AHRR: variants seen among roughly 807,000 people sequenced by gnomAD.
AHRR encodes the protein ahR repressor.
AHRR carries 28 observed loss-of-function variants against 44.0 expected under a neutral mutation model. That is an observed-to-expected ratio of 0.64 (90% confidence interval 0.47 to 0.87). AHRR has a LOEUF of 0.87. AHRR is among the 40% of genes least tolerant of loss of function. The pLI, the probability that AHRR is intolerant of heterozygous loss-of-function variation, is 0.00. For synonymous variants in AHRR, 434 were observed against 407.0 expected (o/e 1.07, Z -0.80); for missense variants, 990 against 953.9 (o/e 1.04, Z -0.50).
At chr5:343,084 C>T (rs1361873198) in intron 1 of AHRR, among the ~76,000 whole-genome samples, 1 of 152,188 alleles carries the variant, frequency 6.6e-6, no homozygotes, top group Non-Finnish European at 1.5e-5. Flanking sequence ...CCACAAACCG[C>T]ACAGGGAGAT....
rs564328802 is a variant in AHRR, at chr5:327,176, G to A, written c.-11+5357G>A. Reference sequence around the variant, plus strand: ...TACAGGGCTGAGCATGTTTTCATGCGTTGAACATTGTGTATCTTCTTTGGA... The same window carrying A: ...TACAGGGCTGAGCATGTTTTCATGCATTGAACATTGTGTATCTTCTTTGGA... On this transcript the variant is annotated intron_variant, in intron 1 of 10. Transcript: ENST00000684583. 2.5e-4 allele frequency among the ~76,000 whole-genome samples: 38 copies of A among 152,322 alleles called. 1 individual carries two copies. The East Asian group carries it at 6.4e-3, about 25-fold the overall frequency.
intron 3 of AHRR, among the ~76,000 whole-genome samples, chr5:356,137 G>T (rs1425756965): frequency 6.6e-6 from 1 of 152,208 alleles, no homozygotes; most frequent in East Asian, 1.9e-4. Context: ...TGACTGTTAA[G>T]GTCGGGATTT....
At chr5:407,684 C>CA (rs1735319113) in intron 4 of AHRR, among the ~76,000 whole-genome samples, 1 of 152,196 alleles carries the variant, frequency 6.6e-6, no homozygotes, top group South Asian at 2.1e-4. Flanking sequence ...GGACCACAGG[C>CA]ATGCGCCACC....
intron 4 of AHRR, 30 bp from the exon 5 acceptor site, chr5:413,313 AT>A (rs3215229): frequency 0.46 from 585,003 of 1,283,140 alleles, 106,109 homozygotes; most frequent in African/African-American, 0.52. Flanking sequence ...AGCCAATTCG[AT>A]TTTTTTTTTT....
intron 2 of AHRR, 120 bp downstream of exon 2, chr5:344,084 GC>G: frequency 9.0e-7 from 1 of 1,107,924 alleles, no homozygotes; most frequent in Non-Finnish European, 1.3e-6. Flanking sequence ...CGGGAGCCGG[GC>G]GGGCCGGGGC....
chr5:322,163 C>A (rs539629711), intron 1 of AHRR, among the ~76,000 whole-genome samples: 34 of 152,142 alleles, frequency 2.2e-4, no homozygotes, highest in African/African-American at 8.2e-4. Flanking sequence ...GAGCGGGGCC[C>A]CGCTGTCGGG....
At chr5:426,554 G>A (rs1736402849) in intron 7 of AHRR, among the ~76,000 whole-genome samples, 1 of 151,946 alleles carries the variant, frequency 6.6e-6, no homozygotes, top group South Asian at 2.1e-4. Flanking sequence ...TGGACAGATG[G>A]ATGGATGAAT....
intron 2 of AHRR, among the ~76,000 whole-genome samples, chr5:344,420 G>GGTGT (rs1553978581): frequency 2.4e-3 from 60 of 24,508 alleles, no homozygotes; most frequent in South Asian, 4.3e-3. Context: ...GGGTGTGTGC[G>GGTGT]GTATGTGTGA....
At chr5:368,693 T>A (rs1315198932) in intron 3 of AHRR, among the ~76,000 whole-genome samples, 1 of 152,244 alleles carries the variant, frequency 6.6e-6, no homozygotes, top group Non-Finnish European at 1.5e-5. Context: ...GACGAGCGTG[T>A]GACTCTGGTG....
At chr5:422,995 T>A in intron 6 of AHRR, 137 bp downstream of exon 6, 3 of 1,247,372 alleles carry the variant, frequency 2.4e-6, no homozygotes, top group Non-Finnish European at 3.2e-6. Context: ...AAATCTCACC[T>A]TTCTTCAGAG....
intron 4 of AHRR, among the ~76,000 whole-genome samples, chr5:394,864 T>C (rs1290910428): frequency 6.6e-6 from 1 of 152,150 alleles, no homozygotes; most frequent in East Asian, 1.9e-4. Context: ...GAGGGAGCAC[T>C]TTTGCCCCGA....
chr5:430,035 G>T (rs1579712833), intron 8 of AHRR, among the ~76,000 whole-genome samples: 1 of 152,228 alleles, frequency 6.6e-6, no homozygotes, highest in African/African-American at 2.4e-5. Flanking sequence ...GAGCTGTGCA[G>T]ACCGGAGCAG....
chr5:348,333 CTT>C (rs34078521), intron 2 of AHRR, among the ~76,000 whole-genome samples: 34 of 141,844 alleles, frequency 2.4e-4, no homozygotes, highest in Non-Finnish European at 1.7e-4. Flanking sequence ...TCCCCCCCTC[CTT>C]TTTTTTTTTT....
intron 8 of AHRR, among the ~76,000 whole-genome samples, chr5:431,433 C>T (rs970302981): frequency 6.6e-6 from 1 of 152,214 alleles, no homozygotes; most frequent in Non-Finnish European, 1.5e-5. Context: ...GAATTCTCCC[C>T]ACCCTGCTCT....
At chr5:392,701 C>T (rs772803952) in intron 4 of AHRR, among the ~76,000 whole-genome samples, 6 of 152,152 alleles carry the variant, frequency 3.9e-5, no homozygotes, top group Non-Finnish European at 7.4e-5. Flanking sequence ...TTAGGGACAA[C>T]GGCTGAGTTT....
At chr5:345,550 ATG>A (rs1256858402) in intron 2 of AHRR, among the ~76,000 whole-genome samples, 2 of 48,650 alleles carry the variant, frequency 4.1e-5, no homozygotes, top group African/African-American at 8.5e-5. Flanking sequence ...GTGTGTGGGG[ATG>A]TGTGTGTGGG....
chr5:380,283 C>G (rs1036464248), intron 4 of AHRR, among the ~76,000 whole-genome samples: 5 of 152,064 alleles, frequency 3.3e-5, no homozygotes, highest in Non-Finnish European at 7.4e-5. Flanking sequence ...CAATTTTATT[C>G]TTCCTCAGAA....
intron 3 of AHRR, 51 bp from the exon 4 acceptor site, chr5:376,559 T>TGAATGACTGAGAACCGTGGGGTGAACGC: frequency 1.2e-5 from 3 of 241,106 alleles, no homozygotes; most frequent in Non-Finnish European, 1.5e-5. Context: ...TGAAGAAGAG[T>TGAATGACTGAGAACCGTGGGGTGAACGC]GGCCAGGCCA....
chr5:422,760 A>G lies in AHRR; in HGVS notation c.473A>G (p.Tyr158Cys). The part of the protein sequence containing the change: ...TDVMHQNIYD[Y>C]IHVDDRQDFC... ...GTAATGCACCAGAACATTTATGACT[A>G]CATCCACGTGGACGACCGCCAGGAC... The change falls in exon 6 of 11, where the codon TAC (tyrosine) becomes TGC (cysteine). Residue 158 changes from tyrosine (Y) to cysteine (C), a missense_variant. By Grantham distance (194) the Tyr-to-Cys change is radical. Coordinates refer to ENST00000684583, the MANE Select transcript of AHRR (RefSeq NM_001377236.1). 6.2e-7 allele frequency: 1 copy of G among 1,614,146 alleles called. No individual in the cohort carries two copies. Among genetic ancestry groups the G allele is most frequent in the African/African-American group, 1.3e-5 (1 of 75,030 alleles).
Sources: gnomAD v4.1 joint callset for allele counts (sites outside exome capture counted in the v4.1 genomes callset) on GRCh38, gnomAD v4.1.1 for gene constraint, MANE v1.5 for transcripts, NCBI Gene and HGNC (gene_info 2026-07-23, HGNC 2026-07-21) for gene names.